Variants in KYNU observed in about 807,000 individuals in gnomAD.
The protein encoded by KYNU is L-kynurenine hydrolase.
Under a neutral mutation model 59.2 loss-of-function variants are expected in KYNU, and 54 were observed. That is an observed-to-expected ratio of 0.91 (90% confidence interval 0.73 to 1.14). The LOEUF is 1.14. KYNU is among the 50% of genes most tolerant of loss of function. The pLI, the probability that KYNU is intolerant of heterozygous loss-of-function variation, is 0.00. For synonymous variants in KYNU, 177 were observed against 192.0 expected, an observed-to-expected ratio of 0.92 and a Z score of 0.65; for missense variants, 567 against 554.4, an observed-to-expected ratio of 1.02 and a Z score of -0.23.
At chr2:142,919,701 A>G (rs138207300) in intron 3 of KYNU, among the ~76,000 whole-genome samples, 3,951 of 152,334 alleles carry the variant, frequency 0.026, 156 homozygotes, top group African/African-American at 0.09. Context: ...TGGGAGGCAG[A>G]GGTGGGCAGA....
intron 2 of KYNU, among the ~76,000 whole-genome samples, chr2:142,907,372 G>A (rs192607668): frequency 1.2e-4 from 18 of 152,258 alleles, no homozygotes; most frequent in Admixed American, 4.6e-4. Flanking sequence ...GATGAACCTC[G>A]GCACTTGGTT....
rs74712329 is a variant in KYNU at position 142,997,993 on chromosome 2, A to C, written c.902+11972A>C. Among the ~76,000 whole-genome samples, 139 of 152,272 alleles carry C rather than the reference A, an allele frequency of 9.1e-4. No homozygotes were observed. The East Asian group carries it at 0.025, about 27-fold the overall frequency. On this transcript the variant is annotated intron_variant, in intron 10 of 13. Transcript: ENST00000264170. The stretch of plus-strand genomic sequence containing the variant: ...GTCTTTATGATAAGCGATGCTTTCC[A>C]TTTGATAACATTTATTTGAAACTAC...
intron 10 of KYNU, among the ~76,000 whole-genome samples, chr2:142,991,998 T>C (rs1248716673): frequency 6.6e-6 from 1 of 151,976 alleles, no homozygotes; most frequent in East Asian, 1.9e-4. Flanking sequence ...TAGCAGCATC[T>C]ATCTCTATGA....
At chr2:142,907,185 G>C (rs1682326988) in intron 2 of KYNU, among the ~76,000 whole-genome samples, 1 of 152,142 alleles carries the variant, frequency 6.6e-6, no homozygotes, top group Admixed American at 6.5e-5. Flanking sequence ...TCCCAAGATG[G>C]GGCAGGCCAC....
intron 5 of KYNU, among the ~76,000 whole-genome samples, chr2:142,955,564 C>T (rs1684134573): frequency 6.6e-6 from 1 of 151,966 alleles, no homozygotes; most frequent in African/African-American, 2.4e-5. Context: ...TTTGGCATCT[C>T]TAAGTCTTAG....
chr2:142,936,389 T>G (rs1290583334), intron 4 of KYNU, among the ~76,000 whole-genome samples: 1 of 152,202 alleles, frequency 6.6e-6, no homozygotes, highest in Non-Finnish European at 1.5e-5. Context: ...ATATCTTGTC[T>G]GAGGCCTAAG....
At chr2:142,889,290 C>T (rs538374824) in intron 2 of KYNU, among the ~76,000 whole-genome samples, 8 of 152,060 alleles carry the variant, frequency 5.3e-5, no homozygotes, top group Non-Finnish European at 8.8e-5. Flanking sequence ...ATGATCTAAC[C>T]GTAATCAACA....
At chr2:142,905,976 ATTTC>A (rs1227839749) in intron 2 of KYNU, among the ~76,000 whole-genome samples, 3 of 141,686 alleles carry the variant, frequency 2.1e-5, no homozygotes, top group East Asian at 2.0e-4. Context: ...CTATCTTTCT[ATTTC>A]TTTCTCTCTC....
In KYNU at chr2:143,053,011, C is replaced by T. The variant is rs1558993346; in HGVS notation, c.*10839C>T. On this transcript the variant is annotated 3_prime_UTR_variant, in exon 14 of 14. Coordinates refer to ENST00000264170, the MANE Select transcript of KYNU (RefSeq NM_003937.3). ...ACCTGCTCAAGGCTGTGGGAGACCA[C>T]CTCTTGCATCAGTGTGACCTGGATG... is the stretch of plus-strand genomic sequence containing the variant. The T allele has an allele frequency of 6.6e-6, 1 of 152,374 alleles. No homozygotes were observed. The highest frequency in any genetic ancestry group is 1.5e-5 in the Non-Finnish European group (1 of 68,152). 9.4% of individuals were successfully genotyped at this position (152,374 alleles called of 1,614,324 possible).
intron 4 of KYNU, among the ~76,000 whole-genome samples, chr2:142,938,958 A>T (rs1683486152): frequency 6.6e-6 from 1 of 151,952 alleles, no homozygotes; most frequent in South Asian, 2.1e-4. Flanking sequence ...CCGTCTCTAC[A>T]AAATAAATAA....
chr2:143,034,140 T>G (rs1686830633), intron 12 of KYNU, among the ~76,000 whole-genome samples: 1 of 151,144 alleles, frequency 6.6e-6, no homozygotes, highest in South Asian at 2.1e-4. Flanking sequence ...TCATATATAA[T>G]GTAAATGTAT....
At chr2:142,942,494 A>G (rs1280846124) in intron 4 of KYNU, among the ~76,000 whole-genome samples, 1 of 152,220 alleles carries the variant, frequency 6.6e-6, no homozygotes, top group African/African-American at 2.4e-5. Flanking sequence ...ATTTTGTAGT[A>G]ACTGCAGTAA....
At chr2:142,971,627 T>C (rs779435774) in intron 8 of KYNU, among the ~76,000 whole-genome samples, 11 of 152,236 alleles carry the variant, frequency 7.2e-5, no homozygotes, top group Non-Finnish European at 1.6e-4. Flanking sequence ...CAATGACTGA[T>C]TGAGGGTAGA....
intron 10 of KYNU, among the ~76,000 whole-genome samples, chr2:143,004,315 A>T (rs1285088560): frequency 6.6e-6 from 1 of 152,234 alleles, no homozygotes; most frequent in Non-Finnish European, 1.5e-5. Flanking sequence ...CTACTGGTAG[A>T]AAGTTGTGGG....
chr2:143,018,659 T>A (rs1686327020), intron 10 of KYNU, among the ~76,000 whole-genome samples: 1 of 152,204 alleles, frequency 6.6e-6, no homozygotes, highest in Non-Finnish European at 1.5e-5. Flanking sequence ...AATAGTTTTT[T>A]CTAGTTCTGT....
chr2:142,963,525 C>G (rs1382771099), intron 8 of KYNU, among the ~76,000 whole-genome samples: 1 of 152,116 alleles, frequency 6.6e-6, no homozygotes, highest in Non-Finnish European at 1.5e-5. Context: ...GCTAAGGGAG[C>G]TTTCTAGAGC....
chr2:142,932,601 G>A (rs1035949725), intron 4 of KYNU, among the ~76,000 whole-genome samples: 2 of 152,056 alleles, frequency 1.3e-5, no homozygotes, highest in Non-Finnish European at 2.9e-5. Context: ...CCAGGTAGAC[G>A]AGTGTGACTG....
chr2:142,878,958 C>T (rs1214379033), intron 1 of KYNU, among the ~76,000 whole-genome samples: 1 of 152,080 alleles, frequency 6.6e-6, no homozygotes, highest in Non-Finnish European at 1.5e-5. Context: ...TGTCTGAGAC[C>T]ATATGGTATG....
rs1687184342 is a variant in KYNU, at chr2:143,047,483, A to T, written c.*5311A>T. ...TATGGGAAATTTTATGCAAATGAGCACATTTTTCTCCCTTCCTTCCTTCCT... is the reference window on the plus strand; with the variant it reads ...TATGGGAAATTTTATGCAAATGAGCTCATTTTTCTCCCTTCCTTCCTTCCT... On this transcript the variant is annotated 3_prime_UTR_variant, in exon 14 of 14. Coordinates refer to ENST00000264170, the MANE Select transcript of KYNU (RefSeq NM_003937.3). 6.6e-6 allele frequency: 1 copy of T among 152,064 alleles called. No homozygotes were observed. The highest frequency in any genetic ancestry group is 2.1e-4 in the South Asian group (1 of 4,828). 9.4% of individuals were successfully genotyped at this position (152,064 alleles called of 1,614,324 possible).
Sources: gnomAD v4.1 joint callset for allele counts (sites outside exome capture counted in the v4.1 genomes callset) on GRCh38, gnomAD v4.1.1 for gene constraint, MANE v1.5 for transcripts, NCBI Gene and HGNC (gene_info 2026-07-23, HGNC 2026-07-21) for gene names.